The following UXS1 variants were observed in gnomAD, a reference collection of about 807,000 sequenced individuals.
UXS1 encodes the protein UDP-glucuronic acid decarboxylase 1.
In UXS1, 33 loss-of-function variants were observed where a neutral mutation model predicts 62.6. That is an observed-to-expected ratio of 0.53 (90% CI 0.40 to 0.70). UXS1 has a LOEUF of 0.70. UXS1 is among the 30% of genes least tolerant of loss of function. The probability of loss-of-function intolerance (pLI) is 0.00; values close to 1 mark genes in which losing one functional copy is unlikely to be tolerated. For missense variants in UXS1, 434 were observed against 556.3 expected, an observed-to-expected ratio of 0.78 and a Z score of 2.21; for synonymous variants, 213 against 206.8, an observed-to-expected ratio of 1.03 and a Z score of -0.26.
At chr2:106,111,932 G>A (rs966222610) in intron 10 of UXS1, among the ~76,000 whole-genome samples, 5 of 152,190 alleles carry the variant, frequency 3.3e-5, no homozygotes, top group Admixed American at 6.5e-5. Context: ...AGGAGTGACC[G>A]GGGAGCTGGG....
intron 7 of UXS1, 46 bp from the exon 8 acceptor site, chr2:106,125,725 C>A: frequency 6.7e-7 from 1 of 1,494,166 alleles, no homozygotes; most frequent in Non-Finnish European, 9.0e-7. Flanking sequence ...TTTACATGTG[C>A]AGGCACATTT....
intron 6 of UXS1, among the ~76,000 whole-genome samples, chr2:106,137,954 C>T (rs2104969643): frequency 6.6e-6 from 1 of 152,278 alleles, no homozygotes; most frequent in Admixed American, 6.5e-5. Flanking sequence ...TCTGCTTACA[C>T]AGACAGGGTC....
intron 1 of UXS1, among the ~76,000 whole-genome samples, chr2:106,189,396 C>A (rs1265325273): frequency 5.3e-5 from 8 of 152,188 alleles, no homozygotes; most frequent in Non-Finnish European, 8.8e-5. Context: ...CGAACAGGGT[C>A]ATAGCATGGG....
Position 106,145,094 on chromosome 2 carries a change from T to C in UXS1, c.472+96A>G, listed in dbSNP as rs1019732260. 9 of 1,341,472 alleles carry C rather than the reference T, an allele frequency of 6.7e-6. No homozygotes were observed. The African/African-American group carries it at 1.2e-4, about 17-fold the overall frequency. 83.1% of individuals were successfully genotyped at this position (1,341,472 alleles called of 1,614,324 possible). Reference sequence around the variant, plus strand: ...AAATAAAACCCAACATAGCTTTCAATGTGCTGAGTCAAACAGCTTACCCTC... The same window carrying C: ...AAATAAAACCCAACATAGCTTTCAACGTGCTGAGTCAAACAGCTTACCCTC... On this transcript the variant is annotated intron_variant, in intron 6 of 14. Coordinates refer to ENST00000283148, the MANE Select transcript of UXS1 (RefSeq NM_001253875.2).
intron 4 of UXS1, among the ~76,000 whole-genome samples, chr2:106,158,573 C>T (rs1450970828): frequency 1.3e-5 from 2 of 152,072 alleles, no homozygotes; most frequent in Non-Finnish European, 2.9e-5. Flanking sequence ...AGTGCAGAGG[C>T]CAATATAACT....
chr2:106,094,372 T>G lies in UXS1; in HGVS notation c.1147-215A>C, dbSNP rs147272188. 9.2e-3 allele frequency among the ~76,000 whole-genome samples: 1,395 copies of G among 151,412 alleles called. 25 individuals are homozygous for G. The highest frequency in any genetic ancestry group is 0.032 in the African/African-American group (1,315 of 41,144). ...AAGTCCTTCAGGGCCGCTTTCAGAA[T>G]GTACTGTGGAGCTGACAAGTGTCAC... On this transcript the variant is annotated intron_variant, in intron 14 of 14. Transcript: ENST00000283148.
intron 9 of UXS1, among the ~76,000 whole-genome samples, chr2:106,121,776 A>G (rs1679540365): frequency 1.3e-5 from 2 of 152,258 alleles, no homozygotes; most frequent in Admixed American, 1.3e-4. Context: ...GCATAAGGTT[A>G]ATTTATGCAT....
At chr2:106,183,139 T>C (rs1221117209) in intron 1 of UXS1, among the ~76,000 whole-genome samples, 1 of 151,802 alleles carries the variant, frequency 6.6e-6, no homozygotes, top group East Asian at 1.9e-4. Context: ...CTTTGATGAG[T>C]GTCAGAATAA....
At chr2:106,118,923 G>A (rs1387671017) in intron 9 of UXS1, among the ~76,000 whole-genome samples, 1 of 152,102 alleles carries the variant, frequency 6.6e-6, no homozygotes, top group Non-Finnish European at 1.5e-5. Flanking sequence ...TTATGTATAA[G>A]GAATTAATTA....
intron 9 of UXS1, among the ~76,000 whole-genome samples, chr2:106,117,299 T>C (rs60772636): frequency 9.2e-5 from 14 of 152,390 alleles, no homozygotes; most frequent in Non-Finnish European, 1.5e-4. Context: ...CTTAGGTGGA[T>C]AGCTCACATT....
chr2:106,100,648 G>A (rs1486200651), intron 12 of UXS1: 2 of 172,844 alleles, frequency 1.2e-5, no homozygotes, highest in East Asian at 1.7e-4. Context: ...TGGTCTGTCC[G>A]GCTAAATGAC....
intron 1 of UXS1, 94 bp downstream of exon 1, chr2:106,194,054 G>C: frequency 1.0e-6 from 1 of 996,176 alleles, no homozygotes; most frequent in Non-Finnish European, 1.3e-6. Context: ...CGGGGCTGCA[G>C]GGCCGCCTCG....
At chr2:106,111,310 AC>A (rs1678586200) in intron 10 of UXS1, among the ~76,000 whole-genome samples, 1 of 152,164 alleles carries the variant, frequency 6.6e-6, no homozygotes. Context: ...ATTTAGGGGC[AC>A]CAAGATACCA....
At chr2:106,122,166 G>A (rs548852480) in intron 9 of UXS1, among the ~76,000 whole-genome samples, 8 of 152,316 alleles carry the variant, frequency 5.3e-5, no homozygotes, top group Admixed American at 4.6e-4. Flanking sequence ...CTGGACCAAC[G>A]TTCCACAGCC....
rs1378204844 is a variant in UXS1, at chr2:106,129,735, G to A, written c.516C>T (p.Asn172=). The part of the protein sequence containing the change: ...YHLASPASPP[N]YMYNPIKTLK... ...ATGTCTTGATAGGATTATACATGTA[G>A]TTTGGAGGGGAGGCTGGAGATGCCA... Residue 172 remains asparagine (N), a synonymous_variant, in exon 7 of 15, where the codon AAC becomes AAT. Transcript: ENST00000283148. The A allele has an allele frequency of 1.2e-6, 2 of 1,612,092 alleles. No homozygotes were observed. Among genetic ancestry groups the A allele is most frequent in the Middle Eastern group, 1.6e-4 (1 of 6,062 alleles).
rs1454297827 is a variant in UXS1 at position 106,177,204 on chromosome 2, T to TTTC, written c.95-11122_95-11121insGAA. Among the ~76,000 whole-genome samples, 95 of 148,896 alleles carry TTTC rather than the reference T, an allele frequency of 6.4e-4. 2 individuals carry two copies. Among genetic ancestry groups the TTTC allele is most frequent in the African/African-American group, 2.1e-3 (86 of 40,388 alleles). ...TGCATTTTTTTTTTCTTTTTTCTTT[T>TTTC]TTTTTTTTTGAGATGGAGTCTTGCT... On this transcript the variant is annotated intron_variant, in intron 1 of 14. Coordinates refer to ENST00000283148, the MANE Select transcript of UXS1 (RefSeq NM_001253875.2).
At chr2:106,178,573 T>C (rs1277866120) in intron 1 of UXS1, among the ~76,000 whole-genome samples, 3 of 152,186 alleles carry the variant, frequency 2.0e-5, no homozygotes, top group African/African-American at 7.2e-5. Context: ...TGTGTGTATA[T>C]ATATATGTGT....
At chr2:106,191,192 G>A (rs1401399050) in intron 1 of UXS1, among the ~76,000 whole-genome samples, 3 of 152,204 alleles carry the variant, frequency 2.0e-5, no homozygotes, top group African/African-American at 4.8e-5. Context: ...TGGGAAAGAT[G>A]TAAGGAGGAG....
intron 12 of UXS1, 76 bp downstream of exon 12, chr2:106,100,982 C>T (rs1469180286): frequency 1.3e-6 from 2 of 1,570,300 alleles, no homozygotes; most frequent in East Asian, 2.2e-5. Flanking sequence ...TGAAGCAAAG[C>T]CTGGTGCTGC....
Sources: allele counts gnomAD v4.1 joint callset (sites outside exome capture counted in the v4.1 genomes callset), GRCh38; gene constraint gnomAD v4.1.1; transcripts MANE v1.5; gene names NCBI Gene and HGNC (gene_info 2026-07-23, HGNC 2026-07-21).